Variants in KCNAB2 observed in about 807,000 individuals in gnomAD.
KCNAB2 encodes the protein potassium voltage-gated channel subfamily A regulatory beta subunit 2.
KCNAB2 carries 29 observed loss-of-function variants against 63.6 expected under a neutral mutation model. The ratio of observed to expected loss-of-function variants is 0.46; its 90% CI spans 0.34 to 0.62. The LOEUF (loss-of-function observed/expected upper bound fraction) is 0.62. Among genes scored for constraint, KCNAB2 ranks in the 20% least tolerant of loss-of-function variants. The pLI is 0.01. For synonymous variants in KCNAB2, 222 were observed against 224.2 expected (o/e 0.99, Z 0.09); for missense variants, 359 against 563.9 (o/e 0.64, Z 3.68).
chr1:6,069,952 C>A lies in KCNAB2; in HGVS notation c.219-2803C>A, dbSNP rs1313575480. On this transcript the variant is annotated intron_variant, in intron 2 of 15. Coordinates refer to ENST00000378083, the MANE Select transcript of KCNAB2 (RefSeq NM_001199862.2). This position sits in a 1 kb window ranked among gnomAD's most constrained non-coding sequence, Gnocchi z 5.4. ...CATTTCCCAACACTCAGACCAGGAA[C>A]AGATATGGAATCAGGGGCAGGGGCA... Among the ~76,000 whole-genome samples the A allele has an allele frequency of 6.6e-6, 1 of 152,086 alleles. No homozygotes were observed. The highest frequency in any genetic ancestry group is 1.5e-5 in the Non-Finnish European group (1 of 68,004).
At chr1:6,079,041 G>A (rs147029646) in intron 4 of KCNAB2, among the ~76,000 whole-genome samples, 87 of 152,062 alleles carry the variant, frequency 5.7e-4, no homozygotes, top group African/African-American at 1.1e-3. Context: ...GGGAAGCCGC[G>A]GCAGGGGCTG....
At position 6,024,468 on chromosome 1, in the gene KCNAB2, T is replaced by A. The variant is rs982660077; in HGVS notation, c.-52-16049T>A. Among the ~76,000 whole-genome samples, 1 of 152,130 alleles carries A rather than the reference T, an allele frequency of 6.6e-6. No homozygotes were observed. Among genetic ancestry groups the A allele is most frequent in the East Asian group, 1.9e-4 (1 of 5,202 alleles). On this transcript the variant is annotated intron_variant, in intron 1 of 16. Transcript: ENST00000341524. This position sits in a 1 kb window ranked among gnomAD's most constrained non-coding sequence, Gnocchi z 5.4. ...GCCTTCCTGGTCCAAAGAAACTTTTTAAAAAAAGAGTTGGCAAATATCTGA... is the reference window on the plus strand; with the variant it reads ...GCCTTCCTGGTCCAAAGAAACTTTTAAAAAAAAGAGTTGGCAAATATCTGA...
chr1:6,082,335 AG>A, intron 5 of KCNAB2, 61 bp downstream of exon 5: 1 of 1,324,446 alleles, frequency 7.6e-7, no homozygotes, highest in Non-Finnish European at 1.1e-6. Flanking sequence ...CCGGAGCTAC[AG>A]GGATTCCTGC....
intron 1 of KCNAB2, among the ~76,000 whole-genome samples, chr1:6,048,257 C>G (rs1395627182): frequency 6.6e-6 from 1 of 152,228 alleles, no homozygotes; most frequent in East Asian, 1.9e-4. Context: ...CTGCTGGCCC[C>G]TGGTGGTGGA....
intron 4 of KCNAB2, among the ~76,000 whole-genome samples, chr1:6,076,844 C>T (rs1251791770): frequency 6.6e-6 from 1 of 152,198 alleles, no homozygotes; most frequent in African/African-American, 2.4e-5. Flanking sequence ...AACATAAAGG[C>T]TGCGTAAACT....
chr1:6,088,533 C>T (rs1332815200), intron 7 of KCNAB2, among the ~76,000 whole-genome samples: 2 of 151,796 alleles, frequency 1.3e-5, no homozygotes, highest in African/African-American at 4.8e-5. Flanking sequence ...CAGGCGTGAG[C>T]CACCACGCCT....
rs539145362 is a variant in KCNAB2 at position 6,071,652 on chromosome 1, G to A, written c.219-1103G>A. On this transcript the variant is annotated intron_variant, in intron 2 of 15. Coordinates refer to ENST00000378083, the MANE Select transcript of KCNAB2 (RefSeq NM_001199862.2). This position sits in a 1 kb window ranked among gnomAD's most constrained non-coding sequence, Gnocchi z 8.5. Reference sequence around the variant, plus strand: ...GCGCCTGCTGCGTAGGGCACCTGCCGCTTAGGACTCCTGCCACCGCGTAGG... The same window carrying A: ...GCGCCTGCTGCGTAGGGCACCTGCCACTTAGGACTCCTGCCACCGCGTAGG... 2.0e-4 allele frequency among the ~76,000 whole-genome samples: 30 copies of A among 152,240 alleles called. No homozygotes were observed. The highest frequency in any genetic ancestry group is 4.8e-4 in the African/African-American group (20 of 41,552).
chr1:6,041,927 T>A, upstream of KCNAB2: 1 of 1,502,220 alleles, frequency 6.7e-7, no homozygotes, highest in Middle Eastern at 1.8e-4. Context: ...AGGGAGCGGG[T>A]GGGAGGACTG....
At chr1:6,005,473 G>T (rs1448772292) in intron 1 of KCNAB2, among the ~76,000 whole-genome samples, 1 of 151,638 alleles carries the variant, frequency 6.6e-6, no homozygotes, top group African/African-American at 2.4e-5. Context: ...CGGGGACGTG[G>T]CAGCCCAGCT....
intron 5 of KCNAB2, among the ~76,000 whole-genome samples, chr1:6,084,531 C>T (rs571981859): frequency 6.6e-6 from 1 of 152,314 alleles, no homozygotes; most frequent in East Asian, 1.9e-4. Context: ...AAAAAAGATA[C>T]TTGTCCCGGC....
intron 5 of KCNAB2, 111 bp downstream of exon 5, chr1:6,082,385 A>G: frequency 1.2e-6 from 1 of 804,020 alleles, no homozygotes; most frequent in East Asian, 2.5e-5. Context: ...TGCACCTTGC[A>G]CCCTGCTTTC....
rs1571123151 is a variant in KCNAB2 at position 6,099,691 on chromosome 1, G to C, written c.*1117G>C. On this transcript the variant is annotated 3_prime_UTR_variant, in exon 16 of 16. Transcript: ENST00000378083. ...TAAGGAAGGGTCTTTGGGGTTTTCT[G>C]TGCCCATGACTTGGGGGCTGCACCC... The C allele has an allele frequency of 7.2e-7, 1 of 1,382,314 alleles. No individual in the cohort carries two copies. The highest frequency in any genetic ancestry group is 9.5e-7 in the Non-Finnish European group (1 of 1,047,780). The allele number at this position is 1,382,314 out of a possible 1,614,324, so 85.6% of individuals were successfully genotyped here.
upstream of KCNAB2, among the ~76,000 whole-genome samples, chr1:6,029,394 C>T (rs892837342): frequency 6.6e-6 from 1 of 152,132 alleles, no homozygotes; most frequent in African/African-American, 2.4e-5. Context: ...GTAACAAGGC[C>T]GAGGACCCTC....
At chr1:6,064,862 G>T (rs1258666410) in intron 2 of KCNAB2, among the ~76,000 whole-genome samples, 1 of 152,198 alleles carries the variant, frequency 6.6e-6, no homozygotes, top group Non-Finnish European at 1.5e-5. Context: ...AGCCCCTCCG[G>T]ATGCTGAAGA....
Position 6,098,980 on chromosome 1 carries a change from C to A in KCNAB2, c.*406C>A. 1 of 168,196 alleles carries A rather than the reference C, an allele frequency of 5.9e-6. No individual in the cohort carries two copies. Among genetic ancestry groups the A allele is most frequent in the South Asian group, 1.5e-4 (1 of 6,596 alleles). 10.4% of individuals were successfully genotyped at this position (168,196 alleles called of 1,614,324 possible). A position where few individuals can be genotyped will look rare whatever the true frequency, so the allele number is the denominator to read the frequency against. On this transcript the variant is annotated 3_prime_UTR_variant, in exon 16 of 16. Transcript: ENST00000378083. ...TTGGGGCGGGCAGGGCCAGCCTCTC[C>A]TCTGCTGAGAATCCCCACTTGGTGT...
In KCNAB2 at chr1:6,062,785, T is replaced by C. The variant is rs78748992; in HGVS notation, c.219-9970T>C. Reference sequence around the variant, plus strand: ...GAGGGTTTTCAGGCAGGTGACTTTTTTGGGGGAGATGGGAACAGCTTTATT... The same window carrying C: ...GAGGGTTTTCAGGCAGGTGACTTTTCTGGGGGAGATGGGAACAGCTTTATT... On this transcript the variant is annotated intron_variant, in intron 2 of 15. Coordinates refer to ENST00000378083, the MANE Select transcript of KCNAB2 (RefSeq NM_001199862.2). Among the ~76,000 whole-genome samples the C allele has an allele frequency of 2.0e-3, 311 of 152,338 alleles. 4 individuals are homozygous for C. The highest frequency in any genetic ancestry group is 7.3e-3 in the African/African-American group (304 of 41,574).
chr1:6,098,724 C>A lies in KCNAB2; in HGVS notation c.*150C>A. The A allele has an allele frequency of 1.0e-6, 1 of 988,368 alleles. No homozygotes were observed. The allele number at this position is 988,368 out of a possible 1,614,324, so 61.2% of individuals were successfully genotyped here. A position where few individuals can be genotyped will look rare whatever the true frequency, so the allele number is the denominator to read the frequency against. ...GTCATCGGGAAATGATCTCCCAAGT[C>A]GCTGCCAGACACCACCCACTGCTTC... On this transcript the variant is annotated 3_prime_UTR_variant, in exon 16 of 16. Coordinates refer to ENST00000378083, the MANE Select transcript of KCNAB2 (RefSeq NM_001199862.2).
In KCNAB2 at chr1:6,085,263, C is replaced by G. The variant is rs1435465957; in HGVS notation, c.425+15C>G. On this transcript the variant is annotated intron_variant, in intron 6 of 15. Coordinates refer to ENST00000378083, the MANE Select transcript of KCNAB2 (RefSeq NM_001199862.2). ...AAAGGATGGAGGTAACGGCCCTGCT[C>G]TCTGCGGCCTGTCCCTGGGGTGGGT... The G allele has an allele frequency of 6.8e-6, 11 of 1,612,430 alleles. No individual in the cohort carries two copies. Among genetic ancestry groups the G allele is most frequent in the Middle Eastern group, 1.7e-4 (1 of 6,012 alleles).
At chr1:6,032,278 A>G (rs1470643918), upstream of KCNAB2, among the ~76,000 whole-genome samples, 1 of 152,098 alleles carries the variant, frequency 6.6e-6, no homozygotes, top group African/African-American at 2.4e-5. Flanking sequence ...CTGGTTAATC[A>G]TGAAAAAAAG....
Sources: gnomAD v4.1 joint callset for allele counts (sites outside exome capture counted in the v4.1 genomes callset) on GRCh38, gnomAD v4.1.1 for gene constraint, Gnocchi (gnomAD v3.1) non-coding constraint, MANE v1.5 for transcripts, NCBI Gene and HGNC (gene_info 2026-07-23, HGNC 2026-07-21) for gene names.